The following CDC123 variants were observed in gnomAD, a reference collection of about 807,000 sequenced individuals.
CDC123 encodes translation initiation factor eIF2 assembly protein.
CDC123 carries 37 observed loss-of-function variants against 54.4 expected under a neutral mutation model. The ratio of observed to expected loss-of-function variants is 0.68; its 90% confidence interval spans 0.52 to 0.89. The LOEUF is 0.89. CDC123 is among the 40% of genes least tolerant of loss of function. The pLI is 0.00. For synonymous variants in CDC123, 144 were observed against 136.8 expected (o/e 1.05, Z -0.37); for missense variants, 361 against 412.1 (o/e 0.88, Z 1.07).
chr10:12,200,120 A>ATTTTTTTTTCTTT (rs1835421026), intron 2 of CDC123, among the ~76,000 whole-genome samples: 1 of 59,356 alleles, frequency 1.7e-5, no homozygotes, highest in African/African-American at 6.0e-5. Flanking sequence ...CGCACTCGGC[A>ATTTTTTTTTCTTT]TTTTTTTTTT....
intron 7 of CDC123, 52 bp downstream of exon 7, chr10:12,231,048 G>A: frequency 6.9e-7 from 1 of 1,453,108 alleles, no homozygotes. Context: ...GTTGAGAATT[G>A]CTATTTATTC....
Position 12,250,589 on chromosome 10 carries a change from A to C in CDC123, c.*252A>C. Reference sequence around the variant, plus strand: ...GATAATAAAATGCTTTCTATGAAATACGTTGCTTTTCTACCGAGTCATTAT... The same window carrying C: ...GATAATAAAATGCTTTCTATGAAATCCGTTGCTTTTCTACCGAGTCATTAT... On this transcript the variant is annotated 3_prime_UTR_variant, in exon 13 of 13. Transcript: ENST00000281141. 4.6e-6 allele frequency: 2 copies of C among 433,764 alleles called. No homozygotes were observed. The highest frequency in any genetic ancestry group is 8.4e-6 in the Non-Finnish European group (2 of 238,802). 26.9% of individuals were successfully genotyped at this position (433,764 alleles called of 1,614,324 possible).
At chr10:12,203,038 A>G (rs927944315) in intron 2 of CDC123, among the ~76,000 whole-genome samples, 1 of 152,202 alleles carries the variant, frequency 6.6e-6, no homozygotes, top group Admixed American at 6.5e-5. Flanking sequence ...AACAAAAATA[A>G]AGGATATTAA....
chr10:12,215,977 C>G, intron 5 of CDC123, 142 bp downstream of exon 5: 1 of 534,642 alleles, frequency 1.9e-6, no homozygotes, highest in Non-Finnish European at 3.2e-6. Context: ...TTTCCCTCTA[C>G]TGTTTTACTT....
intron 8 of CDC123, among the ~76,000 whole-genome samples, chr10:12,236,194 C>T (rs1331188336): frequency 1.1e-4 from 17 of 152,176 alleles, no homozygotes; most frequent in Admixed American, 1.1e-3. Flanking sequence ...TGGAAGAAAG[C>T]AAAGCAGCAG....
intron 6 of CDC123, among the ~76,000 whole-genome samples, chr10:12,223,084 C>A (rs1051292890): frequency 6.6e-6 from 1 of 150,754 alleles, no homozygotes; most frequent in African/African-American, 2.4e-5. Context: ...TTAGTAGAGA[C>A]GGGGTTTCAC....
Position 12,217,421 on chromosome 10 carries a change from C to T in CDC123, c.394C>T (p.Leu132=). The part of the protein sequence containing the change: ...LKCKTLSDIF[L]LFKSSDFITR... ...ATGTAAAACCCTCAGCGACATCTTT[C>T]TGCTTTTCAAGAGTTCCGATTTCAT... The change falls in exon 6 of 13, where the codon CTG becomes TTG. Residue 132 remains leucine (L), a synonymous_variant. Transcript: ENST00000281141. The T allele has an allele frequency of 6.2e-7, 1 of 1,614,090 alleles. No individual in the cohort carries two copies. Among genetic ancestry groups the T allele is most frequent in the Non-Finnish European group, 8.5e-7 (1 of 1,179,980 alleles).
At chr10:12,219,047 A>C (rs1481754190) in intron 6 of CDC123, among the ~76,000 whole-genome samples, 1 of 152,186 alleles carries the variant, frequency 6.6e-6, no homozygotes, top group African/African-American at 2.4e-5. Flanking sequence ...TAAGCATGCC[A>C]CTTCCGCCCT....
chr10:12,214,227 G>A (rs1054763674), intron 4 of CDC123, among the ~76,000 whole-genome samples: 2 of 152,178 alleles, frequency 1.3e-5, no homozygotes, highest in African/African-American at 4.8e-5. Flanking sequence ...GTCTTTGAAA[G>A]TTGAATTCTT....
At chr10:12,217,923 A>T (rs1835682899) in intron 6 of CDC123, among the ~76,000 whole-genome samples, 1 of 152,020 alleles carries the variant, frequency 6.6e-6, no homozygotes, top group South Asian at 2.1e-4. Context: ...CCCCGTCTCT[A>T]CTAAAAATAC....
intron 6 of CDC123, among the ~76,000 whole-genome samples, chr10:12,224,565 A>G (rs1361318625): frequency 1.3e-5 from 2 of 152,168 alleles, no homozygotes; most frequent in East Asian, 1.9e-4. Flanking sequence ...TAGAATTTTC[A>G]TAGCTTGCTA....
intron 4 of CDC123, among the ~76,000 whole-genome samples, chr10:12,215,124 A>G (rs74118725): frequency 0.029 from 4,358 of 152,294 alleles, 212 homozygotes; most frequent in African/African-American, 0.1. Flanking sequence ...TTTGGTCACT[A>G]GCTTATATAA....
At chr10:12,207,427 C>CT (rs1308972842) in intron 2 of CDC123, among the ~76,000 whole-genome samples, 11 of 152,164 alleles carry the variant, frequency 7.2e-5, no homozygotes, top group African/African-American at 2.2e-4. Flanking sequence ...CCTTTATTGT[C>CT]TTTTTTTCTT....
intron 3 of CDC123, 100 bp downstream of exon 3, chr10:12,210,124 T>C: frequency 1.4e-6 from 2 of 1,475,240 alleles, no homozygotes; most frequent in East Asian, 2.3e-5. Flanking sequence ...TCTGATAAAA[T>C]GAGAAATTAC....
chr10:12,227,107 C>G (rs1342619029), intron 6 of CDC123, among the ~76,000 whole-genome samples: 1 of 152,142 alleles, frequency 6.6e-6, no homozygotes, highest in Non-Finnish European at 1.5e-5. Flanking sequence ...AATACGAAAA[C>G]CAGTCAGGCG....
At chr10:12,200,192 T>C (rs1002408765) in intron 2 of CDC123, among the ~76,000 whole-genome samples, 4 of 137,690 alleles carry the variant, frequency 2.9e-5, no homozygotes, top group Non-Finnish European at 6.1e-5. Context: ...AGTGGCTCAA[T>C]CTCAGCTCAC....
chr10:12,215,464 TCA>T (rs1473222526), intron 4 of CDC123, among the ~76,000 whole-genome samples: 1 of 152,202 alleles, frequency 6.6e-6, no homozygotes, highest in East Asian at 1.9e-4. Context: ...CACTCCTTCC[TCA>T]CATCCTCAGA....
At chr10:12,226,817 G>A (rs1249576809) in intron 6 of CDC123, among the ~76,000 whole-genome samples, 8 of 151,834 alleles carry the variant, frequency 5.3e-5, no homozygotes, top group East Asian at 1.9e-4. Context: ...GACGATGGGC[G>A]GCCAGGCAGA....
At chr10:12,218,372 C>T (rs975346409) in intron 6 of CDC123, among the ~76,000 whole-genome samples, 3 of 151,012 alleles carry the variant, frequency 2.0e-5, no homozygotes, top group South Asian at 2.1e-4. Context: ...CCCAAGTAGC[C>T]GGGACTACAG....
Sources: gnomAD v4.1 joint callset for allele counts (sites outside exome capture counted in the v4.1 genomes callset) on GRCh38, gnomAD v4.1.1 for gene constraint, MANE v1.5 for transcripts, NCBI Gene and HGNC (gene_info 2026-07-23, HGNC 2026-07-21) for gene names.